Variants in BRF1 observed in about 807,000 individuals in gnomAD.
BRF1 encodes transcription factor IIIB 90 kDa subunit.
Under a neutral mutation model 81.7 loss-of-function variants are expected in BRF1, and 59 were observed. That is an observed-to-expected ratio of 0.72 (90% CI 0.59 to 0.90). The LOEUF is 0.90. BRF1 is among the 40% of genes least tolerant of loss of function. BRF1 has a pLI of 0.00. For synonymous variants in BRF1, 491 were observed against 395.6 expected (o/e 1.24, Z -2.86); for missense variants, 1,050 against 936.3 (o/e 1.12, Z -1.58).
intron 5 of BRF1, chr14:105,247,938 G>A (rs749668222): frequency 5.1e-6 from 5 of 985,364 alleles, no homozygotes; most frequent in Non-Finnish European, 4.8e-6. Context: ...CACAAGGAGC[G>A]AGCCTGCGAC....
chr14:105,217,307 G>T, intron 15 of BRF1: 1 of 629,930 alleles, frequency 1.6e-6, no homozygotes, highest in Non-Finnish European at 2.7e-6. Context: ...CTAGGCTGCA[G>T]GACCCCCCTG....
At chr14:105,263,157 A>T (rs2056234084) in intron 3 of BRF1, among the ~76,000 whole-genome samples, 2 of 150,144 alleles carry the variant, frequency 1.3e-5, no homozygotes, top group Admixed American at 1.3e-4. Context: ...GAATCGCTTG[A>T]ACCCGGGAGG....
intron 1 of BRF1, among the ~76,000 whole-genome samples, chr14:105,306,287 G>GTTTGTTTTGTTTTGTTTTGT (rs202210208): frequency 1.3e-5 from 2 of 151,382 alleles, no homozygotes; most frequent in African/African-American, 4.9e-5. Context: ...TTGTTTTTGG[G>GTTTGTTTTGTTTTGTTTTGT]TTTGTTTTGT....
At position 105,308,838 on chromosome 14, in the gene BRF1, G is replaced by T. The variant is rs149361247; in HGVS notation, c.-162+6484C>A. Among the ~76,000 whole-genome samples, 1,279 of 152,162 alleles carry T rather than the reference G, an allele frequency of 8.4e-3. 17 individuals carry two copies. Among genetic ancestry groups the T allele is most frequent in the African/African-American group, 0.029 (1,208 of 41,520 alleles). ...TTAAAACCCTTAGGGACCCAGCACA[G>T]TGGTTCACACTTGTAATCCCAGCAC... On this transcript the variant is annotated intron_variant, in intron 1 of 17. Coordinates refer to the BRF1 transcript ENST00000327359.
intron 7 of BRF1, 26 bp downstream of exon 7, chr14:105,228,794 C>A: frequency 1.2e-6 from 2 of 1,612,648 alleles, no homozygotes; most frequent in South Asian, 1.1e-5. Flanking sequence ...TGTGTGGTCC[C>A]CATGCCATGA....
chr14:105,253,873 T>G (rs1365073674), intron 4 of BRF1, among the ~76,000 whole-genome samples: 2 of 152,326 alleles, frequency 1.3e-5, no homozygotes, highest in East Asian at 1.9e-4. Context: ...CTCACCAAAC[T>G]GGGGGGCGTG....
intron 4 of BRF1, among the ~76,000 whole-genome samples, chr14:105,254,782 G>A (rs1182474718): frequency 2.7e-5 from 4 of 150,008 alleles, no homozygotes; most frequent in Non-Finnish European, 4.4e-5. Context: ...GGCTGGTCTT[G>A]AACTCCTGAC....
At chr14:105,211,662 G>A (rs1294000928) in intron 16 of BRF1, 2 of 352,772 alleles carry the variant, frequency 5.7e-6, no homozygotes, top group Non-Finnish European at 1.0e-5. Context: ...AACACAGACA[G>A]AGGCTCTGCT....
chr14:105,301,750 G>C (rs900800169), upstream of BRF1, among the ~76,000 whole-genome samples: 1 of 152,248 alleles, frequency 6.6e-6, no homozygotes, highest in Non-Finnish European at 1.5e-5. Context: ...CCCCTGCCCA[G>C]AGCGGGAACC....
chr14:105,227,877 A>T (rs1456176170), intron 7 of BRF1: 15 of 152,262 alleles, frequency 9.9e-5, no homozygotes, highest in Admixed American at 9.8e-4. Context: ...ATCTCAGCTG[A>T]AAAACAGCAG....
intron 5 of BRF1, among the ~76,000 whole-genome samples, chr14:105,245,953 G>A (rs1046670547): frequency 3.3e-5 from 5 of 152,192 alleles, no homozygotes; most frequent in Non-Finnish European, 5.9e-5. Context: ...TTTCTGCACA[G>A]CAAAGGAATC....
chr14:105,312,479 C>T (rs763202168), intron 1 of BRF1, among the ~76,000 whole-genome samples: 2 of 152,182 alleles, frequency 1.3e-5, no homozygotes, highest in African/African-American at 2.4e-5. Context: ...CCCAGTCATC[C>T]GAGAGGTTTG....
chr14:105,248,554 G>A (rs2055294988), intron 5 of BRF1: 9 of 845,972 alleles, frequency 1.1e-5, no homozygotes, highest in Non-Finnish European at 1.1e-5. Flanking sequence ...CACCGGCGCC[G>A]CGGCGGGTAC....
chr14:105,221,225 G>A (rs1405126412), intron 11 of BRF1, among the ~76,000 whole-genome samples: 1 of 152,200 alleles, frequency 6.6e-6, no homozygotes. Context: ...GATGGGCACG[G>A]TGGCCTGGCC....
chr14:105,240,865 G>C (rs2054545116), intron 6 of BRF1, among the ~76,000 whole-genome samples: 1 of 139,862 alleles, frequency 7.1e-6, no homozygotes, highest in African/African-American at 2.7e-5. Flanking sequence ...CTGGGGGCGG[G>C]GGACAGCCTG....
chr14:105,310,455 G>A (rs1389421740), intron 1 of BRF1, among the ~76,000 whole-genome samples: 3 of 151,076 alleles, frequency 2.0e-5, no homozygotes, highest in Non-Finnish European at 2.9e-5. Flanking sequence ...GCATGAACCC[G>A]GGAGGCAGAG....
At chr14:105,248,885 C>T (rs2055356645) in intron 5 of BRF1, 1 of 988,660 alleles carries the variant, frequency 1.0e-6, no homozygotes, top group Non-Finnish European at 1.2e-6. Context: ...CGGCGGAACT[C>T]TACGCTCCCG....
chr14:105,217,386 G>T, intron 15 of BRF1, 158 bp downstream of exon 15: 2 of 1,197,962 alleles, frequency 1.7e-6, no homozygotes, highest in Non-Finnish European at 2.3e-6. Flanking sequence ...TCAAGGTGCC[G>T]GAGAAGGCCC....
rs191607947 is a variant in BRF1 at position 105,214,933 on chromosome 14, G to A, written c.1772+2611C>T. ...CCCCATGGGCTGCAAGGGCAACCGG[G>A]ACAAGCCCTTCTGTCCCCAGGTAGA... On this transcript the variant is annotated intron_variant, in intron 15 of 17. Coordinates refer to ENST00000547530, the MANE Select transcript of BRF1 (RefSeq NM_001519.4). Among the ~76,000 whole-genome samples, 863 of 152,312 alleles carry A rather than the reference G, an allele frequency of 5.7e-3. 8 individuals are homozygous for A. Among genetic ancestry groups the A allele is most frequent in the African/African-American group, 0.018 (749 of 41,554 alleles).
Sources: gnomAD v4.1 joint callset for allele counts (sites outside exome capture counted in the v4.1 genomes callset) on GRCh38, gnomAD v4.1.1 for gene constraint, MANE v1.5 for transcripts, NCBI Gene and HGNC (gene_info 2026-07-23, HGNC 2026-07-21) for gene names.